OSBPL3: variants seen among roughly 807,000 people sequenced by gnomAD.
OSBPL3 encodes oxysterol-binding protein-related protein 3.
Under a neutral mutation model 120.1 loss-of-function variants are expected in OSBPL3, and 65 were observed. The ratio of observed to expected loss-of-function variants is 0.54; its 90% CI spans 0.44 to 0.67. OSBPL3 has a LOEUF of 0.67. Ranked by LOEUF, OSBPL3 falls within the 30% of genes least tolerant of loss-of-function variation. The probability of loss-of-function intolerance (pLI) is 0.00; values close to 1 mark genes in which losing one functional copy is unlikely to be tolerated. For missense variants in OSBPL3, 1,004 were observed against 1,082.1 expected (o/e 0.93, Z 1.01); for synonymous variants, 416 against 402.6 (o/e 1.03, Z -0.40).
chr7:24,971,710 A>G lies in OSBPL3; in HGVS notation c.-150+8176T>C, dbSNP rs1265264925. Among the ~76,000 whole-genome samples the G allele has an allele frequency of 2.6e-5, 4 of 152,240 alleles. No homozygotes were observed. The East Asian group carries it at 7.7e-4, about 29-fold the overall frequency. ...CTCGCTAGCCTCTGTTTTATCAGTG[A>G]TAAACTGGAATGATAGTAACCACTT... On this transcript the variant is annotated intron_variant, in intron 1 of 22. Coordinates refer to ENST00000313367, the MANE Select transcript of OSBPL3 (RefSeq NM_015550.4).
rs535243631 is a variant in OSBPL3 at position 24,921,471 on chromosome 7, G to A, written c.-149-28850C>T. Among the ~76,000 whole-genome samples the A allele has an allele frequency of 7.9e-5, 12 of 152,236 alleles. No individual in the cohort carries two copies. The South Asian group carries it at 2.5e-3, about 32-fold the overall frequency. On this transcript the variant is annotated intron_variant, in intron 1 of 22. Transcript: ENST00000313367. ...ACTACTCAAAACACATTTTTTCATAGACGTTTGGTCATGTGCCCAGGCCAG... is the reference window on the plus strand; with the variant it reads ...ACTACTCAAAACACATTTTTTCATAAACGTTTGGTCATGTGCCCAGGCCAG...
chr7:24,846,840 G>A (rs916257200), intron 12 of OSBPL3, among the ~76,000 whole-genome samples: 9 of 152,200 alleles, frequency 5.9e-5, no homozygotes, highest in Middle Eastern at 3.4e-3. Flanking sequence ...CGAGGTGGGT[G>A]GATCACAAGG....
chr7:24,917,428 T>TATATA (rs1562924930), intron 1 of OSBPL3, among the ~76,000 whole-genome samples: 1,798 of 92,188 alleles, frequency 0.02, 38 homozygotes, highest in South Asian at 0.046. Flanking sequence ...ATATATATAT[T>TATATA]TGTAACATAT....
At position 24,932,444 on chromosome 7, in the gene OSBPL3, T is replaced by C. The variant is rs1176931183; in HGVS notation, c.-149-39823A>G. 3.9e-5 allele frequency among the ~76,000 whole-genome samples: 6 copies of C among 152,168 alleles called. No homozygotes were observed. Among genetic ancestry groups the C allele is most frequent in the Non-Finnish European group, 1.5e-5 (1 of 68,036 alleles). On this transcript the variant is annotated intron_variant, in intron 1 of 22. Transcript: ENST00000313367. This position sits in a 1 kb window ranked among gnomAD's most constrained non-coding sequence, Gnocchi z 5.6. ...AAAAGGGGGTGCTCTGGTGAGAATG[T>C]TGATGTCCCCCTGAAATTCATACAT...
At position 24,870,865 on chromosome 7, in the gene OSBPL3, G is replaced by A. The variant is rs1199554858; in HGVS notation, c.268-20C>T. ...CTCTATCTGCAGAGGCACCAAGAGG[G>A]TCACTTGGGGACCATGGTGTTAGAA... is the stretch of plus-strand genomic sequence containing the variant. On this transcript the variant is annotated intron_variant, in intron 4 of 22. Transcript: ENST00000313367. 11 of 1,469,284 alleles carry A rather than the reference G, an allele frequency of 7.5e-6. No homozygotes were observed. The highest frequency in any genetic ancestry group is 1.4e-5 in the African/African-American group (1 of 72,238). 91.0% of individuals were successfully genotyped at this position (1,469,284 alleles called of 1,614,324 possible).
chr7:24,816,970 G>T (rs1479146306), intron 17 of OSBPL3, among the ~76,000 whole-genome samples: 1 of 152,184 alleles, frequency 6.6e-6, no homozygotes, highest in African/African-American at 2.4e-5. Context: ...AACTGAGTGT[G>T]TTATAAGGTA....
At position 24,862,881 on chromosome 7, in the gene OSBPL3, A is replaced by G. The variant is rs749880784; in HGVS notation, c.870+319T>C. On this transcript the variant is annotated intron_variant, in intron 9 of 22. Coordinates refer to ENST00000313367, the MANE Select transcript of OSBPL3 (RefSeq NM_015550.4). This position sits in a 1 kb window ranked among gnomAD's most constrained non-coding sequence, Gnocchi z 4.4. ...CAGCCACAAAACAAGGCACAAACAC[A>G]AGCAGGGAAGAGCACAGGCAGGCTC... 6.6e-6 allele frequency among the ~76,000 whole-genome samples: 1 copy of G among 152,164 alleles called. No homozygotes were observed. Among genetic ancestry groups the G allele is most frequent in the Non-Finnish European group, 1.5e-5 (1 of 68,030 alleles).
rs891204496 is a variant in OSBPL3 at position 24,955,610 on chromosome 7, G to A, written c.-150+24276C>T. Among the ~76,000 whole-genome samples, 1 of 152,116 alleles carries A rather than the reference G, an allele frequency of 6.6e-6. No homozygotes were observed. The highest frequency in any genetic ancestry group is 1.5e-5 in the Non-Finnish European group (1 of 68,032). On this transcript the variant is annotated intron_variant, in intron 1 of 22. Coordinates refer to ENST00000313367, the MANE Select transcript of OSBPL3 (RefSeq NM_015550.4). The surrounding 1 kb of genome is among the most constrained non-coding windows in gnomAD (Gnocchi z 4.3). The stretch of plus-strand genomic sequence containing the variant: ...ATGTCACCTTATCAGAGAGGCCTTT[G>A]GCCATTTCTATGTAAAATCAAACAG...
Position 24,967,450 on chromosome 7 carries a change from C to T in OSBPL3, c.-150+12436G>A, listed in dbSNP as rs541975079. ...TTCAAGGTCCTGCTCTATTAACACCCTTCCCATGAGATCTCTCCTGGTTTA... is the reference window on the plus strand; with the variant it reads ...TTCAAGGTCCTGCTCTATTAACACCTTTCCCATGAGATCTCTCCTGGTTTA... On this transcript the variant is annotated intron_variant, in intron 1 of 22. Transcript: ENST00000313367. The surrounding 1 kb of genome is among the most constrained non-coding windows in gnomAD (Gnocchi z 5.6). 5.1e-4 allele frequency among the ~76,000 whole-genome samples: 77 copies of T among 152,302 alleles called. No individual in the cohort carries two copies. Among genetic ancestry groups the T allele is most frequent in the African/African-American group, 1.8e-3 (74 of 41,564 alleles).
intron 19 of OSBPL3, among the ~76,000 whole-genome samples, chr7:24,814,203 AAAG>A (rs1562764009): frequency 6.6e-6 from 1 of 152,028 alleles, no homozygotes; most frequent in Non-Finnish European, 1.5e-5. Context: ...GAAGAAAGAG[AAAG>A]AAGGCCAGTG....
chr7:24,917,366 C>G (rs1809716903), intron 1 of OSBPL3, among the ~76,000 whole-genome samples: 1 of 124,432 alleles, frequency 8.0e-6, no homozygotes, highest in Non-Finnish European at 1.7e-5. Flanking sequence ...TATCCTGGAG[C>G]ATAGGATATT....
At chr7:24,902,788 T>C (rs911262089) in intron 1 of OSBPL3, among the ~76,000 whole-genome samples, 2 of 151,782 alleles carry the variant, frequency 1.3e-5, no homozygotes, top group Non-Finnish European at 2.9e-5. Flanking sequence ...TCTTAGCTTT[T>C]AGAGACTGTG....
chr7:24,856,520 A>G (rs1799864455), intron 10 of OSBPL3, among the ~76,000 whole-genome samples: 2 of 152,222 alleles, frequency 1.3e-5, no homozygotes, highest in South Asian at 2.1e-4. Context: ...GTACCGCTCT[A>G]GAAAGCAATG....
intron 1 of OSBPL3, among the ~76,000 whole-genome samples, chr7:24,950,045 A>G (rs1362163556): frequency 6.6e-6 from 1 of 152,212 alleles, no homozygotes; most frequent in Non-Finnish European, 1.5e-5. Flanking sequence ...TGTTTTCCCC[A>G]CAGAAATGCT....
rs1448418663 is a variant in OSBPL3, at chr7:24,806,560, ATG to A, written c.2444+214_2444+215del. 1.1e-4 allele frequency among the ~76,000 whole-genome samples: 17 copies of A among 152,180 alleles called. No individual in the cohort carries two copies. The highest frequency in any genetic ancestry group is 1.9e-4 in the Non-Finnish European group (13 of 68,034). On this transcript the variant is annotated intron_variant, in intron 21 of 22. Transcript: ENST00000313367. This position sits in a 1 kb window ranked among gnomAD's most constrained non-coding sequence, Gnocchi z 5.2. ...CACCTTTTTTGGCATTTCAATGCAA[ATG>A]GGGCTTTACAGATAATAAAGGCCAT...
In OSBPL3 at chr7:24,802,260, GT is replaced by G. The variant is rs1792453589; in HGVS notation, c.2568-1982del. Among the ~76,000 whole-genome samples, 1 of 152,146 alleles carries G rather than the reference GT, an allele frequency of 6.6e-6. No homozygotes were observed. Among genetic ancestry groups the G allele is most frequent in the East Asian group, 1.9e-4 (1 of 5,200 alleles). On this transcript the variant is annotated intron_variant, in intron 22 of 22. Coordinates refer to ENST00000313367, the MANE Select transcript of OSBPL3 (RefSeq NM_015550.4). This position sits in a 1 kb window ranked among gnomAD's most constrained non-coding sequence, Gnocchi z 4.1. ...TCCACTTAGAATTTTCAGTGATTTTGTTGCTGTTCCTCAGTAAGTGTTAATG... is the reference window on the plus strand; with the variant it reads ...TCCACTTAGAATTTTCAGTGATTTTGTGCTGTTCCTCAGTAAGTGTTAATG...
In OSBPL3 at chr7:24,965,826, C is replaced by T. The variant is rs2522242; in HGVS notation, c.-150+14060G>A. On this transcript the variant is annotated intron_variant, in intron 1 of 22. Coordinates refer to ENST00000313367, the MANE Select transcript of OSBPL3 (RefSeq NM_015550.4). The surrounding 1 kb of genome is among the most constrained non-coding windows in gnomAD (Gnocchi z 4.3). ...TCAGCCTCCCAAAGTGTTGGGATTA[C>T]AGGCATTAGCCACTGCGACGGACTC... Among the ~76,000 whole-genome samples, 128,943 of 152,188 alleles carry T rather than the reference C, an allele frequency of 0.85. 55,076 individuals carry two copies. Among genetic ancestry groups the T allele is most frequent in the African/African-American group, 0.95 (39,378 of 41,546 alleles).
In OSBPL3 at chr7:24,852,231, G is replaced by A. The variant is rs182929439; in HGVS notation, c.1158+273C>T. 1.6e-4 allele frequency among the ~76,000 whole-genome samples: 25 copies of A among 152,044 alleles called. No homozygotes were observed. The East Asian group carries it at 2.9e-3, about 18-fold the overall frequency. ...GACACGCACACATACACACAAAAAC[G>A]TACAATAAAAATGTTAGAGAAACAA... On this transcript the variant is annotated intron_variant, in intron 11 of 22. Transcript: ENST00000313367. The surrounding 1 kb of genome is among the most constrained non-coding windows in gnomAD (Gnocchi z 4.1).
At chr7:24,960,690 C>CA (rs1375892644) in intron 1 of OSBPL3, among the ~76,000 whole-genome samples, 2 of 152,164 alleles carry the variant, frequency 1.3e-5, no homozygotes, top group Admixed American at 6.5e-5. Flanking sequence ...AGGTGACCAC[C>CA]AGTCACCAGG....
Sources: gnomAD v4.1 joint callset for allele counts (sites outside exome capture counted in the v4.1 genomes callset) on GRCh38, gnomAD v4.1.1 for gene constraint, Gnocchi (gnomAD v3.1) non-coding constraint, MANE v1.5 for transcripts, NCBI Gene and HGNC (gene_info 2026-07-23, HGNC 2026-07-21) for gene names.